EHD2: variants seen among roughly 807,000 people sequenced by gnomAD.
The protein encoded by EHD2 is EH domain containing 2, also known as EH domain-containing protein 2.
Under a neutral mutation model 41.0 loss-of-function variants are expected in EHD2, and 27 were observed. The ratio of observed to expected loss-of-function variants is 0.66; its 90% confidence interval spans 0.49 to 0.91. The LOEUF (loss-of-function observed/expected upper bound fraction) is 0.91, where lower values mean the gene tolerates loss of function less well. Among genes scored for constraint, EHD2 ranks in the 40% least tolerant of loss-of-function variants. The pLI, the probability that EHD2 is intolerant of heterozygous loss-of-function variation, is 0.00. For synonymous variants in EHD2, 342 were observed against 341.0 expected (o/e 1.00, Z -0.03); for missense variants, 673 against 773.9 (o/e 0.87, Z 1.55).
At chr19:47,733,988 G>A (rs909683563) in intron 4 of EHD2, among the ~76,000 whole-genome samples, 2 of 152,118 alleles carry the variant, frequency 1.3e-5, no homozygotes, top group African/African-American at 2.4e-5. Flanking sequence ...AGAGAGTTAT[G>A]AGCAGCATCC....
intron 5 of EHD2, 150 bp from the exon 6 acceptor site, chr19:47,740,731 G>C: frequency 1.1e-6 from 1 of 871,148 alleles, no homozygotes; most frequent in Non-Finnish European, 1.7e-6. Context: ...TGGGCAACAA[G>C]AGCAAGACTC....
intron 1 of EHD2, among the ~76,000 whole-genome samples, chr19:47,714,331 G>A (rs1444755418): frequency 6.6e-6 from 1 of 152,086 alleles, no homozygotes; most frequent in Non-Finnish European, 1.5e-5. Context: ...TTCTTTTAGT[G>A]GGGAATGGTA....
intron 2 of EHD2, among the ~76,000 whole-genome samples, chr19:47,717,995 G>A (rs971344786): frequency 1.3e-5 from 2 of 149,346 alleles, no homozygotes; most frequent in South Asian, 2.1e-4. Flanking sequence ...CCTGGTGGCC[G>A]GGCGCAGTGT....
At chr19:47,717,103 A>G (rs995857981) in intron 2 of EHD2, 87 bp downstream of exon 2, 2 of 1,540,070 alleles carry the variant, frequency 1.3e-6, no homozygotes, top group Non-Finnish European at 1.8e-6. Flanking sequence ...GCTGGAGTGC[A>G]GTGGTGCGAT....
chr19:47,715,925 G>A (rs770872446), intron 1 of EHD2, among the ~76,000 whole-genome samples: 4 of 151,968 alleles, frequency 2.6e-5, no homozygotes, highest in South Asian at 2.1e-4. Context: ...CCACCACCAG[G>A]CCTGGCTAAT....
chr19:47,741,405 G>A lies in EHD2; in HGVS notation c.1605G>A (p.Lys535=), dbSNP rs758914900. The change falls in exon 6 of 6, where the codon AAG becomes AAA. Residue 535 remains lysine, a synonymous_variant. Coordinates refer to ENST00000263277, the MANE Select transcript of EHD2 (RefSeq NM_014601.4). This position sits in a 1 kb window ranked among gnomAD's most constrained non-coding sequence, Gnocchi z 4.5. ...CCCGTCGCCTGGTGCCACCCTCCAAGCGACGCCACAAGGGCTCCGCCGAGT... is the reference window on the plus strand; with the variant it reads ...CCCGTCGCCTGGTGCCACCCTCCAAACGACGCCACAAGGGCTCCGCCGAGT... ...NLPRRLVPPS[K]RRHKGSAE 6.3e-6 allele frequency: 10 copies of A among 1,592,654 alleles called. No individual in the cohort carries two copies. Among genetic ancestry groups the A allele is most frequent in the Non-Finnish European group, 6.8e-6 (8 of 1,176,108 alleles).
At chr19:47,722,100 T>TA (rs1468913137) in intron 3 of EHD2, among the ~76,000 whole-genome samples, 1 of 150,366 alleles carries the variant, frequency 6.7e-6, no homozygotes, top group Non-Finnish European at 1.5e-5. Flanking sequence ...TCCTAAAGGT[T>TA]AAATTAGTTA....
intron 5 of EHD2, among the ~76,000 whole-genome samples, chr19:47,738,643 G>A (rs1222634411): frequency 6.6e-6 from 1 of 152,352 alleles, no homozygotes; most frequent in East Asian, 1.9e-4. Context: ...CATGTGGCTA[G>A]TGGCTGCCAT....
At chr19:47,720,092 C>T (rs1302695831) in intron 3 of EHD2, among the ~76,000 whole-genome samples, 4 of 150,168 alleles carry the variant, frequency 2.7e-5, no homozygotes, top group Admixed American at 2.7e-4. Flanking sequence ...GGTTGTATGA[C>T]TTTGAATTGT....
chr19:47,727,113 T>C (rs115811859), intron 4 of EHD2, among the ~76,000 whole-genome samples: 2,231 of 152,266 alleles, frequency 0.015, 64 homozygotes, highest in African/African-American at 0.051. Flanking sequence ...CTTCTTCTTT[T>C]CTTTTTTTGA....
At chr19:47,716,440 A>C in intron 1 of EHD2, 118 bp from the exon 2 acceptor site, 1 of 649,826 alleles carries the variant, frequency 1.5e-6, no homozygotes, top group Non-Finnish European at 2.4e-6. Flanking sequence ...TGTGACCACA[A>C]ATATCTGTGC....
At chr19:47,739,618 G>A (rs1277842046) in intron 5 of EHD2, among the ~76,000 whole-genome samples, 1 of 146,080 alleles carries the variant, frequency 6.8e-6, no homozygotes, top group Non-Finnish European at 1.5e-5. Context: ...AAAAAAAAAG[G>A]AAAGAAAAGA....
intron 4 of EHD2, 90 bp downstream of exon 4, chr19:47,726,314 G>C: frequency 7.1e-7 from 1 of 1,404,008 alleles, no homozygotes; most frequent in African/African-American, 1.4e-5. Flanking sequence ...ACTTATCAGG[G>C]CCCAGGTTAG....
chr19:47,726,165 C>A lies in EHD2; in HGVS notation c.856C>A (p.Pro286Thr). Residue 286 changes from proline (P) to threonine (T), a missense_variant, in exon 4 of 6, where the codon CCC becomes ACC. Pro to Thr is a conservative substitution (Grantham distance 38, BLOSUM62 -1). Coordinates refer to ENST00000263277, the MANE Select transcript of EHD2 (RefSeq NM_014601.4). The part of the protein sequence containing the change: ...QDLFRDIQGL[P>T]RHAALRKLND... The stretch of plus-strand genomic sequence containing the variant: ...CCTCTTCCGCGACATCCAGGGCCTG[C>A]CCCGGCACGCAGCCTTGCGCAAGCT... The A allele has an allele frequency of 6.3e-7, 1 of 1,575,252 alleles. No individual in the cohort carries two copies. The highest frequency in any genetic ancestry group is 1.2e-5 in the South Asian group (1 of 85,580).
intron 4 of EHD2, among the ~76,000 whole-genome samples, chr19:47,728,571 C>CTT (rs761204748): frequency 7.4e-4 from 97 of 131,134 alleles, no homozygotes; most frequent in African/African-American, 1.0e-3. Context: ...TTCTTTCTTT[C>CTT]TTTTTTTTTT....
intron 5 of EHD2, among the ~76,000 whole-genome samples, chr19:47,739,533 G>A (rs1384569562): frequency 5.4e-5 from 8 of 148,724 alleles, no homozygotes; most frequent in African/African-American, 7.4e-5. Context: ...CCCATGAGAC[G>A]GAGGTTGCGG....
At position 47,737,048 on chromosome 19, in the gene EHD2, G is replaced by A. The variant is rs570782360; in HGVS notation, c.1080+515G>A. Among the ~76,000 whole-genome samples, 220 of 152,006 alleles carry A rather than the reference G, an allele frequency of 1.4e-3. 1 individual carries two copies. The highest frequency in any genetic ancestry group is 4.9e-3 in the African/African-American group (205 of 41,488). ...AGATCAAGACCATCCTGGCTAACAC[G>A]GTGAAACCCCGTCTCTACTAAAAAT... On this transcript the variant is annotated intron_variant, in intron 5 of 5. Transcript: ENST00000263277.
chr19:47,720,466 C>T (rs1016826410), intron 3 of EHD2, among the ~76,000 whole-genome samples: 11 of 152,076 alleles, frequency 7.2e-5, no homozygotes, highest in South Asian at 2.1e-4. Context: ...CCACCATGCC[C>T]GGCCTGCTGG....
chr19:47,734,063 T>C (rs1966897250), intron 4 of EHD2, among the ~76,000 whole-genome samples: 1 of 152,190 alleles, frequency 6.6e-6, no homozygotes, highest in South Asian at 2.1e-4. Context: ...GCAAGGGTTA[T>C]TGGGGCAGGA....
Sources: allele counts gnomAD v4.1 joint callset (sites outside exome capture counted in the v4.1 genomes callset), GRCh38; gene constraint gnomAD v4.1.1; non-coding constraint Gnocchi (gnomAD v3.1); transcripts MANE v1.5; gene names NCBI Gene and HGNC (gene_info 2026-07-23, HGNC 2026-07-21).